The following GATC variants were observed in gnomAD, a reference collection of about 807,000 sequenced individuals.
GATC encodes glutamyl-tRNA amidotransferase subunit C, also known as glutamyl-tRNA(Gln) amidotransferase subunit C, mitochondrial.
GATC carries 11 observed loss-of-function variants against 14.4 expected under a neutral mutation model. The ratio of observed to expected loss-of-function variants is 0.77; its 90% CI spans 0.48 to 1.27. GATC has a LOEUF of 1.27. GATC is among the 50% of genes most tolerant of loss of function. GATC has a pLI of 0.00. For synonymous variants in GATC, 76 were observed against 79.3 expected, an observed-to-expected ratio of 0.96 and a Z score of 0.22; for missense variants, 204 against 183.0, an observed-to-expected ratio of 1.11 and a Z score of -0.66.
At chr12:120,448,448 C>T (rs1373944508) in intron 2 of GATC, among the ~76,000 whole-genome samples, 1 of 151,222 alleles carries the variant, frequency 6.6e-6, no homozygotes, top group Non-Finnish European at 1.5e-5. Flanking sequence ...TGTGCCTCAG[C>T]CTCCGGAGTA....
intron 2 of GATC, among the ~76,000 whole-genome samples, chr12:120,449,865 C>G (rs61945860): frequency 0.017 from 2,623 of 151,946 alleles, 46 homozygotes; most frequent in Non-Finnish European, 0.027. Context: ...CAGGTTCAAG[C>G]GATTCTCCTG....
chr12:120,462,290 G>T lies in GATC; in HGVS notation c.*2331G>T. The T allele has an allele frequency of 1.0e-6, 1 of 969,710 alleles. No individual in the cohort carries two copies. The highest frequency in any genetic ancestry group is 1.5e-6 in the Non-Finnish European group (1 of 671,696). The allele number at this position is 969,710 out of a possible 1,614,324, so 60.1% of individuals were successfully genotyped here. A position where few individuals can be genotyped will look rare whatever the true frequency, so the allele number is the denominator to read the frequency against. On this transcript the variant is annotated 3_prime_UTR_variant, in exon 4 of 4. Coordinates refer to ENST00000551765, the MANE Select transcript of GATC (RefSeq NM_176818.3). ...ACTGTGTACTCTGTGCCTGGCATGAGGCTATCTCATTAAACCTTCATAACA... is the reference window on the plus strand; with the variant it reads ...ACTGTGTACTCTGTGCCTGGCATGATGCTATCTCATTAAACCTTCATAACA...
At position 120,446,531 on chromosome 12, in the gene GATC, C is replaced by T. The variant is rs1472944960; in HGVS notation, c.51C>T (p.Arg17=). 2 of 1,602,630 alleles carry T rather than the reference C, an allele frequency of 1.2e-6. No individual in the cohort carries two copies. Among genetic ancestry groups the T allele is most frequent in the South Asian group, 1.1e-5 (1 of 90,622 alleles). The stretch of plus-strand genomic sequence containing the variant: ...GCCTTCGGGCCCCTCTGGGCGGGCG[C>T]CAGGGCTTCACCTCCAAGGCGGATC... The part of the protein sequence containing the change: ...WLGLRAPLGG[R]QGFTSKADPQ... The change falls in exon 1 of 4, where the codon CGC becomes CGT. Residue 17 remains arginine (R), a synonymous_variant. Transcript: ENST00000551765.
intron 2 of GATC, among the ~76,000 whole-genome samples, chr12:120,455,320 C>T (rs1878154299): frequency 6.6e-6 from 1 of 152,040 alleles, no homozygotes; most frequent in African/African-American, 2.4e-5. Context: ...ACGTGCGTGC[C>T]ACCACGCTTG....
intron 2 of GATC, among the ~76,000 whole-genome samples, chr12:120,448,705 G>C (rs1015534580): frequency 1.4e-5 from 2 of 141,282 alleles, no homozygotes; most frequent in Non-Finnish European, 3.0e-5. Context: ...GAGTACAGTG[G>C]TGCAATCTCA....
chr12:120,449,507 T>C (rs966282862), intron 2 of GATC, among the ~76,000 whole-genome samples: 2 of 152,230 alleles, frequency 1.3e-5, no homozygotes, highest in East Asian at 3.8e-4. Flanking sequence ...CTGGAGGCAG[T>C]GGCGTGATCT....
chr12:120,449,478 TCTCA>T (rs1480155530), intron 2 of GATC, among the ~76,000 whole-genome samples: 2 of 151,782 alleles, frequency 1.3e-5, no homozygotes, highest in Admixed American at 6.6e-5. Flanking sequence ...TGAGATGGAG[TCTCA>T]CTCTGTTGCC....
Position 120,455,064 on chromosome 12 carries a change from T to C in GATC, c.255-2012T>C, listed in dbSNP as rs1396379254. ...CACCATGCCCGGCTAACTTTTATAT[T>C]TTTAGTAGAGACAGGGTTTCACCAT... is the stretch of plus-strand genomic sequence containing the variant. On this transcript the variant is annotated intron_variant, in intron 2 of 3. Coordinates refer to ENST00000551765, the MANE Select transcript of GATC (RefSeq NM_176818.3). 18 of 406,966 alleles carry C rather than the reference T, an allele frequency of 4.4e-5. No individual in the cohort carries two copies. In the Admixed American group the frequency reaches 4.7e-4, roughly 11 times the overall value. The allele number at this position is 406,966 out of a possible 1,614,324, so 25.2% of individuals were successfully genotyped here.
Position 120,460,130 on chromosome 12 carries a change from C to T in GATC, c.*171C>T, listed in dbSNP as rs1034274984. On this transcript the variant is annotated 3_prime_UTR_variant, in exon 4 of 4. Coordinates refer to ENST00000551765, the MANE Select transcript of GATC (RefSeq NM_176818.3). ...AAGACAGAATTGGGAAAGATCTGGC[C>T]CCAACAAGGCAGTGAGTTCCTGATG... 6 of 544,352 alleles carry T rather than the reference C, an allele frequency of 1.1e-5. No individual in the cohort carries two copies. The highest frequency in any genetic ancestry group is 2.0e-5 in the Non-Finnish European group (6 of 297,914). The allele number at this position is 544,352 out of a possible 1,614,324, so 33.7% of individuals were successfully genotyped here.
At chr12:120,454,714 C>T (rs908776651) in intron 2 of GATC, among the ~76,000 whole-genome samples, 2 of 152,036 alleles carry the variant, frequency 1.3e-5, no homozygotes, top group African/African-American at 4.8e-5. Flanking sequence ...CGCGCCCGGC[C>T]TCTTAGCCAT....
intron 3 of GATC, among the ~76,000 whole-genome samples, chr12:120,458,213 C>T (rs540969746): frequency 2.0e-5 from 3 of 151,760 alleles, no homozygotes; most frequent in East Asian, 3.9e-4. Flanking sequence ...CTCAGCCTGC[C>T]GAGTAGCTGG....
intron 2 of GATC, among the ~76,000 whole-genome samples, chr12:120,451,893 T>TTTTTTTTTTTG (rs1337467384): frequency 7.0e-6 from 1 of 143,058 alleles, no homozygotes; most frequent in Non-Finnish European, 1.5e-5. Flanking sequence ...TTTTTTTTTT[T>TTTTTTTTTTTG]TTGAGCTGGA....
chr12:120,456,595 T>C (rs1389385785), intron 2 of GATC, among the ~76,000 whole-genome samples: 1 of 152,166 alleles, frequency 6.6e-6, no homozygotes, highest in East Asian at 1.9e-4. Flanking sequence ...TTGGGATTCA[T>C]GCTGCTATAC....
In GATC at chr12:120,460,091, AAC is replaced by A; in HGVS notation, c.*134_*135del. On this transcript the variant is annotated 3_prime_UTR_variant, in exon 4 of 4. Transcript: ENST00000551765. ...AATGGATGCTCAAGCATTTCTTAAT[AAC>A]AGATTCTTCTGAAGACAGAATTGGG... 1 of 637,616 alleles carries A rather than the reference AAC, an allele frequency of 1.6e-6. No homozygotes were observed. Among genetic ancestry groups the A allele is most frequent in the Non-Finnish European group, 2.8e-6 (1 of 359,592 alleles). 39.5% of individuals were successfully genotyped at this position (637,616 alleles called of 1,614,324 possible).
intron 3 of GATC, among the ~76,000 whole-genome samples, chr12:120,457,895 TATC>T (rs1009509906): frequency 3.3e-5 from 5 of 151,772 alleles, no homozygotes; most frequent in African/African-American, 1.2e-4. Context: ...ACAACTTAGT[TATC>T]ATGTGTGGCC....
chr12:120,463,713 A>G lies in GATC; in HGVS notation c.*3754A>G. 4.7e-6 allele frequency: 2 copies of G among 422,916 alleles called. No individual in the cohort carries two copies. The highest frequency in any genetic ancestry group is 8.4e-6 in the Non-Finnish European group (2 of 238,224). 26.2% of individuals were successfully genotyped at this position (422,916 alleles called of 1,614,324 possible). On this transcript the variant is annotated 3_prime_UTR_variant, in exon 4 of 4. Transcript: ENST00000551765. ...TACCATGACCAAACTGTGTAATGTG[A>G]TACTAATATGCAGAATAAAGCATAT...
intron 2 of GATC, among the ~76,000 whole-genome samples, chr12:120,448,095 CT>C (rs1241610865): frequency 6.6e-6 from 1 of 152,046 alleles, no homozygotes; most frequent in Non-Finnish European, 1.5e-5. Context: ...TTGCAATTTT[CT>C]TTTTCCTTTG....
intron 3 of GATC, 59 bp downstream of exon 3, chr12:120,457,238 A>C: frequency 8.3e-7 from 1 of 1,210,838 alleles, no homozygotes; most frequent in Non-Finnish European, 1.2e-6. Flanking sequence ...GGAATGAAGC[A>C]GGAAGCATGA....
chr12:120,449,109 C>T (rs144930810), intron 2 of GATC, among the ~76,000 whole-genome samples: 113 of 151,840 alleles, frequency 7.4e-4, no homozygotes, highest in Middle Eastern at 3.4e-3. Flanking sequence ...TCTACAAGTG[C>T]CCACTACCAC....
Sources: allele counts gnomAD v4.1 joint callset (sites outside exome capture counted in the v4.1 genomes callset), GRCh38; gene constraint gnomAD v4.1.1; transcripts MANE v1.5; gene names NCBI Gene and HGNC (gene_info 2026-07-23, HGNC 2026-07-21).